Variants in TSKU observed in about 807,000 individuals in gnomAD.
TSKU encodes the protein tsukushi, small leucine rich proteoglycan.
A neutral mutation model predicts 11.2 loss-of-function variants in TSKU; 4 were observed. The ratio of observed to expected loss-of-function variants is 0.36; its 90% CI spans 0.18 to 0.82. The LOEUF is 0.82. Ranked by LOEUF, TSKU falls within the 40% of genes least tolerant of loss-of-function variation. The pLI is 0.50. For missense variants in TSKU, 407 were observed against 482.5 expected, an observed-to-expected ratio of 0.84 and a Z score of 1.47; for synonymous variants, 220 against 232.2, an observed-to-expected ratio of 0.95 and a Z score of 0.48.
chr11:76,796,367 C>A lies in TSKU; in HGVS notation c.751C>A (p.Arg251Ser), dbSNP rs149185997. ...CCCTGAGCTGGCGCCCAGTGGCTTC[C>A]GTGAGCTACCGGGCCTGCAGGTCCT... ...RLPELAPSGF[R>S]ELPGLQVLDL... The change falls in exon 2 of 2, where the codon CGT (arginine) becomes AGT (serine). Residue 251 changes from arginine (R) to serine (S), a missense_variant. Arg to Ser is a moderately radical substitution (Grantham distance 110). Transcript: ENST00000333090. The surrounding 1 kb of genome is among the most constrained non-coding windows in gnomAD (Gnocchi z 4.1). The A allele has an allele frequency of 2.5e-6, 4 of 1,613,222 alleles. No individual in the cohort carries two copies. The highest frequency in any genetic ancestry group is 3.4e-6 in the Non-Finnish European group (4 of 1,179,998).
intron 1 of TSKU, among the ~76,000 whole-genome samples, chr11:76,786,692 A>C (rs1217731246): frequency 6.6e-6 from 1 of 152,166 alleles, no homozygotes; most frequent in Non-Finnish European, 1.5e-5. Flanking sequence ...GGGAAAGGGA[A>C]GACAGTGACC....
chr11:76,796,130 C>A lies in TSKU; in HGVS notation c.514C>A (p.Leu172Ile). 1 of 1,614,002 alleles carries A rather than the reference C, an allele frequency of 6.2e-7. No homozygotes were observed. Among genetic ancestry groups the A allele is most frequent in the Non-Finnish European group, 8.5e-7 (1 of 1,180,036 alleles). The change falls in exon 2 of 2, where the codon CTC (leucine) becomes ATC (isoleucine). Residue 172 changes from leucine to isoleucine, a missense_variant. Coordinates refer to ENST00000333090, the MANE Select transcript of TSKU (RefSeq NM_015516.4). The surrounding 1 kb of genome is among the most constrained non-coding windows in gnomAD (Gnocchi z 4.1). ...CCTCTCCCACAACCTCATTCACCGC[C>A]TCGTGCCCCACCCCACGAGGGCCGG... is the stretch of plus-strand genomic sequence containing the variant. ...VDLSHNLIHR[L>I]VPHPTRAGLP... is the part of the protein sequence containing the mutation.
intron 1 of TSKU, among the ~76,000 whole-genome samples, chr11:76,793,831 G>C (rs540180486): frequency 1.2e-4 from 19 of 152,292 alleles, no homozygotes; most frequent in Non-Finnish European, 2.5e-4. Context: ...CACATGGGGA[G>C]GGGGGCAGGG....
chr11:76,790,228 A>ATGTC (rs905563445), intron 1 of TSKU, among the ~76,000 whole-genome samples: 1 of 152,286 alleles, frequency 6.6e-6, no homozygotes, highest in Admixed American at 6.5e-5. Context: ...AGATGAGGAC[A>ATGTC]GTCCATGGCA....
upstream of TSKU, chr11:76,782,586 A>G (rs2134377538): frequency 6.6e-6 from 1 of 150,828 alleles, no homozygotes; most frequent in African/African-American, 2.4e-5. Context: ...TTTAACATAA[A>G]GAGGGGTGAG....
At chr11:76,794,047 G>A (rs1423538222) in intron 1 of TSKU, among the ~76,000 whole-genome samples, 1 of 152,182 alleles carries the variant, frequency 6.6e-6, no homozygotes, top group Non-Finnish European at 1.5e-5. Context: ...GGATGGGCAG[G>A]AGGGCAGGGG....
rs1367394542 is a variant in TSKU, at chr11:76,796,083, AGGGCC to A, written c.472_476del (p.Arg158ThrfsTer85). 6.2e-7 allele frequency: 1 copy of A among 1,614,014 alleles called. No homozygotes were observed. Among genetic ancestry groups the A allele is most frequent in the Non-Finnish European group, 8.5e-7 (1 of 1,179,998 alleles). ...GTGTCTGCCTTCACGACGCACAGTC[AGGGCC>A]GGGCACTACACGTGGACCTCTCCCA... On this transcript the variant is annotated frameshift_variant, in exon 2 of 2. Coordinates refer to ENST00000333090, the MANE Select transcript of TSKU (RefSeq NM_015516.4). LOFTEE classifies it high-confidence loss of function. The surrounding 1 kb of genome is among the most constrained non-coding windows in gnomAD (Gnocchi z 4.1).
chr11:76,796,365 T>A lies in TSKU; in HGVS notation c.749T>A (p.Phe250Tyr), dbSNP rs1240177583. 1 of 1,613,212 alleles carries A rather than the reference T, an allele frequency of 6.2e-7. No homozygotes were observed. Among genetic ancestry groups the A allele is most frequent in the African/African-American group, 1.3e-5 (1 of 74,928 alleles). The stretch of plus-strand genomic sequence containing the variant: ...CTCCCTGAGCTGGCGCCCAGTGGCT[T>A]CCGTGAGCTACCGGGCCTGCAGGTC... ...QRLPELAPSG[F>Y]RELPGLQVLD... The change falls in exon 2 of 2, where the codon TTC becomes TAC. Residue 250 changes from phenylalanine (F) to tyrosine (Y), a missense_variant. Phe to Tyr is a conservative substitution (Grantham distance 22). Transcript: ENST00000333090. The surrounding 1 kb of genome is among the most constrained non-coding windows in gnomAD (Gnocchi z 4.1).
chr11:76,786,893 C>T (rs747920516), intron 1 of TSKU, among the ~76,000 whole-genome samples: 84 of 152,246 alleles, frequency 5.5e-4, no homozygotes, highest in Admixed American at 1.6e-3. Context: ...GATCCAAGGC[C>T]TCTGGGATGA....
At chr11:76,784,760 TG>T (rs1944294235) in intron 1 of TSKU, among the ~76,000 whole-genome samples, 1 of 44,684 alleles carries the variant, frequency 2.2e-5, no homozygotes, top group Non-Finnish European at 3.7e-5. Flanking sequence ...GGGGGGGGGG[TG>T]CTCAGAGCTG....
intron 1 of TSKU, 86 bp downstream of exon 1, chr11:76,783,490 G>C (rs916940800): frequency 3.9e-5 from 6 of 152,276 alleles, no homozygotes; most frequent in African/African-American, 1.4e-4. Context: ...GGCCCCTTCG[G>C]AGGGCGGGCT....
At chr11:76,786,177 T>C (rs952074304) in intron 1 of TSKU, among the ~76,000 whole-genome samples, 1 of 152,220 alleles carries the variant, frequency 6.6e-6, no homozygotes, top group Non-Finnish European at 1.5e-5. Flanking sequence ...TTTCTGTCCA[T>C]GACATTTCAT....
At chr11:76,788,071 C>A (rs770224026) in intron 1 of TSKU, among the ~76,000 whole-genome samples, 2 of 152,186 alleles carry the variant, frequency 1.3e-5, no homozygotes, top group African/African-American at 4.8e-5. Flanking sequence ...TTCTGCCTTG[C>A]GTTTCCAGAG....
upstream of TSKU, chr11:76,782,315 A>C (rs1361813179): frequency 1.3e-5 from 2 of 150,754 alleles, no homozygotes; most frequent in African/African-American, 4.9e-5. Context: ...CAGGAGGTAC[A>C]TTGCCCAATT....
upstream of TSKU, chr11:76,783,298 G>A (rs1944260942): frequency 6.6e-6 from 1 of 150,386 alleles, no homozygotes; most frequent in African/African-American, 2.4e-5. Flanking sequence ...GCTGCGGGCG[G>A]GGACCGGGGG....
At position 76,783,371 on chromosome 11, in the gene TSKU, A is replaced by C. The variant is rs1265973855; in HGVS notation, c.-42A>C. The C allele has an allele frequency of 6.6e-6, 1 of 151,484 alleles. No individual in the cohort carries two copies. Among genetic ancestry groups the C allele is most frequent in the Non-Finnish European group, 1.5e-5 (1 of 67,826 alleles). The allele number at this position is 151,484 out of a possible 1,614,324, so 9.4% of individuals were successfully genotyped here. On this transcript the variant is annotated 5_prime_UTR_variant, in exon 1 of 2. Transcript: ENST00000333090. ...GGCCCGCGGCCGGGCCGCCGGGGTG[A>C]GCGTGCCGAGGCGGCTGTGGCGCAG...
chr11:76,794,910 C>T (rs921134507), intron 1 of TSKU, among the ~76,000 whole-genome samples: 10 of 152,210 alleles, frequency 6.6e-5, no homozygotes, highest in African/African-American at 2.4e-4. Flanking sequence ...GGCCAGACCA[C>T]AGGTGCTTTC....
chr11:76,796,204 C>T lies in TSKU; in HGVS notation c.588C>T (p.Leu196=). ...GCCTGAACCTGGCCTGGAACCGGCT[C>T]CATGCCGTGCCCAACCTCCGAGACT... The part of the protein sequence containing the change: ...IQSLNLAWNR[L]HAVPNLRDLP... The change falls in exon 2 of 2, where the codon CTC becomes CTT. Residue 196 remains leucine (L), a synonymous_variant. Transcript: ENST00000333090. This position sits in a 1 kb window ranked among gnomAD's most constrained non-coding sequence, Gnocchi z 4.1. The T allele has an allele frequency of 1.2e-6, 2 of 1,613,694 alleles. No individual in the cohort carries two copies. The highest frequency in any genetic ancestry group is 1.7e-6 in the Non-Finnish European group (2 of 1,180,014).
chr11:76,794,808 A>G (rs1397681219), intron 1 of TSKU, among the ~76,000 whole-genome samples: 1 of 152,144 alleles, frequency 6.6e-6, no homozygotes, highest in East Asian at 1.9e-4. Flanking sequence ...ATGACAGGCT[A>G]GGGGGACAGG....
Sources: allele counts gnomAD v4.1 joint callset (sites outside exome capture counted in the v4.1 genomes callset), GRCh38; gene constraint gnomAD v4.1.1; non-coding constraint Gnocchi (gnomAD v3.1); transcripts MANE v1.5; gene names NCBI Gene and HGNC (gene_info 2026-07-23, HGNC 2026-07-21).